PTPRD: variants seen among roughly 807,000 people sequenced by gnomAD.
The protein encoded by PTPRD is protein tyrosine phosphatase receptor type D.
Under a neutral mutation model 214.5 loss-of-function variants are expected in PTPRD, and 34 were observed. That is an observed-to-expected ratio of 0.16 (90% CI 0.12 to 0.21). The LOEUF is 0.21. Among genes scored for constraint, PTPRD ranks in the 10% least tolerant of loss-of-function variants. PTPRD has a pLI of 1.00. For missense variants in PTPRD, 2,545 were observed against 2,398.7 expected (o/e 1.06, Z -1.27); for synonymous variants, 1,128 against 845.7 (o/e 1.33, Z -5.79).
chr9:8,651,602 TC>T (rs1489217855), intron 12 of PTPRD, among the ~76,000 whole-genome samples: 8 of 152,296 alleles, frequency 5.3e-5, no homozygotes, highest in Admixed American at 5.2e-4. Flanking sequence ...AATAACTCTA[TC>T]AACATTTCCA....
At chr9:9,292,777 T>C (rs1192183390) in intron 9 of PTPRD, among the ~76,000 whole-genome samples, 5 of 151,566 alleles carry the variant, frequency 3.3e-5, no homozygotes, top group Non-Finnish European at 7.4e-5. Flanking sequence ...TTTGAAGATC[T>C]TGACAGATTT....
chr9:10,208,325 T>G (rs1454662888), intron 3 of PTPRD, among the ~76,000 whole-genome samples: 1 of 152,154 alleles, frequency 6.6e-6, no homozygotes, highest in Non-Finnish European at 1.5e-5. Context: ...CCATCCTGGC[T>G]AACACGGTGA....
chr9:9,112,272 T>C (rs998454222), intron 10 of PTPRD, among the ~76,000 whole-genome samples: 3 of 152,122 alleles, frequency 2.0e-5, no homozygotes, highest in African/African-American at 7.2e-5. Context: ...ATCCAAATGG[T>C]ACATTTTCAC....
intron 8 of PTPRD, among the ~76,000 whole-genome samples, chr9:9,486,508 C>A (rs1471896916): frequency 6.6e-6 from 1 of 151,350 alleles, no homozygotes; most frequent in Non-Finnish European, 1.5e-5. Context: ...CACTCTTATG[C>A]TTTTTTTTTC....
intron 3 of PTPRD, among the ~76,000 whole-genome samples, chr9:10,059,018 C>A (rs1355253811): frequency 6.6e-6 from 1 of 152,022 alleles, no homozygotes; most frequent in East Asian, 1.9e-4. Flanking sequence ...AATTCATTTA[C>A]TTTGAACATG....
intron 10 of PTPRD, among the ~76,000 whole-genome samples, chr9:9,177,902 A>G (rs901982575): frequency 3.9e-5 from 6 of 152,190 alleles, no homozygotes; most frequent in African/African-American, 1.4e-4. Context: ...GATGGTATCC[A>G]GACACTATTT....
At chr9:8,601,485 T>C (rs1459313361) in intron 14 of PTPRD, among the ~76,000 whole-genome samples, 1 of 152,152 alleles carries the variant, frequency 6.6e-6, no homozygotes, top group Non-Finnish European at 1.5e-5. Flanking sequence ...CCAGTGGTGA[T>C]GGCCACAGGG....
intron 3 of PTPRD, among the ~76,000 whole-genome samples, chr9:10,077,250 C>A (rs985062169): frequency 6.6e-6 from 1 of 152,126 alleles, no homozygotes; most frequent in African/African-American, 2.4e-5. Flanking sequence ...CTCCCATTAT[C>A]CCTAACATCC....
chr9:10,050,880 G>C (rs2097524566), intron 3 of PTPRD, among the ~76,000 whole-genome samples: 1 of 151,834 alleles, frequency 6.6e-6, no homozygotes, highest in Non-Finnish European at 1.5e-5. Flanking sequence ...CTATCTATTA[G>C]AAAATTACAT....
chr9:10,143,876 G>A (rs568890844), intron 3 of PTPRD, among the ~76,000 whole-genome samples: 57 of 152,092 alleles, frequency 3.7e-4, no homozygotes, highest in Non-Finnish European at 6.3e-4. Context: ...AAGTAAAGAT[G>A]GAAAGAGACA....
chr9:9,148,812 T>C (rs2099872995), intron 10 of PTPRD, among the ~76,000 whole-genome samples: 1 of 152,174 alleles, frequency 6.6e-6, no homozygotes, highest in Non-Finnish European at 1.5e-5. Context: ...TATTAATGAA[T>C]ATTTAATTTT....
At chr9:9,465,784 G>A (rs2094101831) in intron 8 of PTPRD, among the ~76,000 whole-genome samples, 1 of 151,518 alleles carries the variant, frequency 6.6e-6, no homozygotes, top group Admixed American at 6.6e-5. Context: ...ATCTATGTCA[G>A]GGGTGGGGGA....
chr9:8,611,207 G>C (rs181906352), intron 14 of PTPRD, among the ~76,000 whole-genome samples: 43 of 152,280 alleles, frequency 2.8e-4, no homozygotes, highest in African/African-American at 1.0e-3. Context: ...AAAGCTGATT[G>C]TTCATTTGTT....
intron 4 of PTPRD, among the ~76,000 whole-genome samples, chr9:9,986,550 G>C (rs535568318): frequency 6.6e-6 from 1 of 152,182 alleles, no homozygotes; most frequent in East Asian, 1.9e-4. Context: ...ATTAACAATA[G>C]TTATCTCCCA....
At chr9:8,487,405 A>G (rs866810561) in intron 27 of PTPRD, among the ~76,000 whole-genome samples, 7 of 152,136 alleles carry the variant, frequency 4.6e-5, no homozygotes, top group South Asian at 4.3e-4. Context: ...AGGGATGATC[A>G]TCAGAATAAA....
chr9:10,004,866 G>C (rs535349878), intron 4 of PTPRD, among the ~76,000 whole-genome samples: 6 of 152,080 alleles, frequency 3.9e-5, no homozygotes, highest in Non-Finnish European at 5.9e-5. Context: ...GCAGATCAGG[G>C]TTTACTATTC....
chr9:8,901,151 G>C (rs2098665677), intron 11 of PTPRD, among the ~76,000 whole-genome samples: 1 of 152,162 alleles, frequency 6.6e-6, no homozygotes, highest in South Asian at 2.1e-4. Context: ...TTTTCAGTGA[G>C]CTTCATGGGT....
intron 8 of PTPRD, among the ~76,000 whole-genome samples, chr9:9,573,404 A>C (rs1223192864): frequency 6.6e-6 from 1 of 150,506 alleles, no homozygotes; most frequent in Non-Finnish European, 1.5e-5. Context: ...AAGTACTCTA[A>C]TGTTCTTTTT....
At chr9:8,733,008 C>T (rs974577128) in intron 12 of PTPRD, among the ~76,000 whole-genome samples, 3 of 152,214 alleles carry the variant, frequency 2.0e-5, no homozygotes, top group South Asian at 2.1e-4. Context: ...AGTACAAGGC[C>T]GAGACATGCC....
Sources: gnomAD v4.1 joint callset for allele counts (sites outside exome capture counted in the v4.1 genomes callset) on GRCh38, gnomAD v4.1.1 for gene constraint, MANE v1.5 for transcripts, NCBI Gene and HGNC (gene_info 2026-07-23, HGNC 2026-07-21) for gene names.